Variants in OGT observed in about 807,000 individuals in gnomAD.
OGT encodes the protein UDP-N-acetylglucosamine--peptide N-acetylglucosaminyltransferase 110 kDa subunit.
OGT carries 3 observed loss-of-function variants against 75.8 expected under a neutral mutation model. The ratio of observed to expected loss-of-function variants is 0.04; its 90% confidence interval spans 0.02 to 0.10. OGT has a LOEUF of 0.10. Ranked by LOEUF, OGT falls within the 10% of genes least tolerant of loss-of-function variation. The pLI, the probability that OGT is intolerant of heterozygous loss-of-function variation, is 1.00. For synonymous variants in OGT, 257 were observed against 289.7 expected (o/e 0.89, Z 1.15); for missense variants, 260 against 824.4 (o/e 0.32, Z 8.38).
intron 4 of OGT, chrX:71,546,826 G>C (rs2040262874): frequency 9.3e-6 from 7 of 753,530 alleles, no homozygotes; most frequent in Admixed American, 8.6e-5. Flanking sequence ...TGCGCATTGC[G>C]TGCGAATGAA....
rs755512297 is a variant in OGT at position 71,563,592 on chromosome X, T to G, written c.2436+93T>G. On this transcript the variant is annotated intron_variant, in intron 18 of 21. Transcript: ENST00000373719. ...TAACTCTAGGAGGCAAGTATCATTA[T>G]CACCATTTTTATGGATGAGGAAATG... The G allele has an allele frequency of 7.3e-6, 5 of 688,518 alleles. No individual in the cohort carries two copies. In the East Asian group the frequency reaches 1.7e-4, roughly 24 times the overall value. 56.7% of individuals were successfully genotyped at this position (688,518 alleles called of 1,213,427 possible). A position where few individuals can be genotyped will look rare whatever the true frequency, so the allele number is the denominator to read the frequency against.
intron 18 of OGT, 41 bp from the exon 19 acceptor site, chrX:71,564,560 T>G (rs2147690938): frequency 9.0e-7 from 1 of 1,116,762 alleles, no homozygotes; most frequent in South Asian, 1.9e-5. Flanking sequence ...ATTGGACTCC[T>G]TTTGCCTTTA....
chrX:71,546,821 A>G (rs1412716212), intron 4 of OGT: 3 of 753,879 alleles, frequency 4.0e-6, no homozygotes, highest in Non-Finnish European at 4.7e-6. Flanking sequence ...GTTAATGCGC[A>G]TTGCGTGCGA....
intron 5 of OGT, among the ~76,000 whole-genome samples, chrX:71,549,920 A>G (rs1028124791): frequency 2.1e-4 from 23 of 112,139 alleles, no homozygotes; most frequent in African/African-American, 7.5e-4. Flanking sequence ...TTGACATATT[A>G]CTTTGCATCA....
Position 71,573,830 on chromosome X carries a change from A to G in OGT, c.*36A>G. ...CACAGGAGAATTACCCCTATACCTG[A>G]GCCTCAACCTTCTGGGGGAAAGGGA... is the stretch of plus-strand genomic sequence containing the variant. On this transcript the variant is annotated 3_prime_UTR_variant, in exon 22 of 22. Coordinates refer to ENST00000373719, the MANE Select transcript of OGT (RefSeq NM_181672.3). 1 of 1,077,551 alleles carries G rather than the reference A, an allele frequency of 9.3e-7. No homozygotes were observed. Among genetic ancestry groups the G allele is most frequent in the Non-Finnish European group, 1.2e-6 (1 of 802,645 alleles). 88.8% of individuals were successfully genotyped at this position (1,077,551 alleles called of 1,213,427 possible). A position where few individuals can be genotyped will look rare whatever the true frequency, so the allele number is the denominator to read the frequency against.
chrX:71,554,613 A>G (rs2040329540), intron 6 of OGT, 21 bp downstream of exon 6: 2 of 1,138,452 alleles, frequency 1.8e-6, no homozygotes, highest in South Asian at 1.8e-5. Flanking sequence ...GTTCTGTTTA[A>G]TAAATTTTCT....
At chrX:71,547,222 G>A (rs991928483) in intron 4 of OGT, 18 of 754,065 alleles carry the variant, frequency 2.4e-5, no homozygotes, top group Non-Finnish European at 2.8e-5. Context: ...ATCCTACTTG[G>A]CAGAAAGACA....
intron 14 of OGT, among the ~76,000 whole-genome samples, chrX:71,561,463 CAA>C (rs111787118): frequency 3.7e-4 from 33 of 89,227 alleles, no homozygotes; most frequent in African/African-American, 6.7e-4. Context: ...CCATCCCTAC[CAA>C]AAAAAAAAAA....
intron 5 of OGT, 43 bp downstream of exon 5, chrX:71,548,066 G>T (rs1298510986): frequency 1.7e-6 from 2 of 1,154,906 alleles, no homozygotes. Flanking sequence ...AAGTGCTTAC[G>T]CATGTAGTGT....
rs1028480490 is a variant in OGT, at chrX:71,559,574, G to T, written c.1762-14G>T. On this transcript the variant is annotated splice_polypyrimidine_tract_variant and intron_variant, in intron 13 of 21. Coordinates refer to ENST00000373719, the MANE Select transcript of OGT (RefSeq NM_181672.3). Reference sequence around the variant, plus strand: ...GAGCCAATGTTATTAAATATGCCATGTGCTGCCTTTCAGGTGTTCTGTTAT... The same window carrying T: ...GAGCCAATGTTATTAAATATGCCATTTGCTGCCTTTCAGGTGTTCTGTTAT... 8.4e-7 allele frequency: 1 copy of T among 1,197,111 alleles called. No homozygotes were observed. The highest frequency in any genetic ancestry group is 1.1e-6 in the Non-Finnish European group (1 of 885,311).
intron 1 of OGT, among the ~76,000 whole-genome samples, chrX:71,534,010 A>G (rs1409063818): frequency 1.8e-5 from 2 of 110,757 alleles, no homozygotes; most frequent in Non-Finnish European, 3.8e-5. Flanking sequence ...CCATCGCCCA[A>G]TTCCACCGCT....
chrX:71,559,293 T>C lies in OGT; in HGVS notation c.1629T>C (p.Tyr543=). 8.3e-7 allele frequency: 1 copy of C among 1,210,288 alleles called. No homozygotes were observed. Among genetic ancestry groups the C allele is most frequent in the Non-Finnish European group, 1.1e-6 (1 of 894,643 alleles). Residue 543 remains tyrosine (Y), a synonymous_variant, in exon 13 of 22, where the codon TAT becomes TAC. Coordinates refer to ENST00000373719, the MANE Select transcript of OGT (RefSeq NM_181672.3). Reference sequence around the variant, plus strand: ...TTAATGTTCTTCATAAACCACCATATGAACATCCAAAAGACTTGAAGCTCA... The same window carrying C: ...TTAATGTTCTTCATAAACCACCATACGAACATCCAAAAGACTTGAAGCTCA... ...DKINVLHKPP[Y]EHPKDLKLSD...
chrX:71,548,291 A>T (rs930204880), intron 5 of OGT, among the ~76,000 whole-genome samples: 4 of 111,275 alleles, frequency 3.6e-5, no homozygotes, highest in African/African-American at 1.3e-4. Flanking sequence ...AGATTCAGTA[A>T]ATTACATGAG....
chrX:71,555,870 G>C (rs2040340074), intron 7 of OGT, 84 bp from the exon 8 acceptor site: 7 of 1,069,361 alleles, frequency 6.5e-6, no homozygotes, highest in Middle Eastern at 5.2e-4. Flanking sequence ...CAGCCATTAG[G>C]CTTAATTAAA....
Position 71,559,413 on chromosome X carries a change from T to A in OGT, c.1749T>A (p.Pro583=). Residue 583 remains proline, a synonymous_variant, in exon 13 of 22, where the codon CCT becomes CCA. Transcript: ENST00000373719. The stretch of plus-strand genomic sequence containing the variant: ...AGTCTATTCCAGGCATGCACAATCC[T>A]GATAAATTTGAGGTAAGACTAGTGT... The part of the protein sequence containing the change: ...LMQSIPGMHN[P]DKFEVFCYAL... 8.3e-7 allele frequency: 1 copy of A among 1,205,246 alleles called. No individual in the cohort carries two copies. Among genetic ancestry groups the A allele is most frequent in the African/African-American group, 1.7e-5 (1 of 57,535 alleles).
Position 71,573,718 on chromosome X carries a change from A to G in OGT, c.3065A>G (p.Gln1022Arg), listed in dbSNP as rs1306402810. ...YTMELERLYL[Q>R]MWEHYAAGNK... ...ATGGAACTAGAGCGGCTCTATCTACAGATGTGGGAGCATTATGCAGCTGGC... is the reference window on the plus strand; with the variant it reads ...ATGGAACTAGAGCGGCTCTATCTACGGATGTGGGAGCATTATGCAGCTGGC... The change falls in exon 22 of 22, where the codon CAG (glutamine) becomes CGG (arginine). Residue 1022 changes from glutamine (Q) to arginine (R), a missense_variant. Physicochemically the swap from Gln to Arg is conservative, Grantham distance 43. This residue lies in a region of OGT where 34 missense variants were observed against 57.5 expected (regional missense o/e 0.59). Transcript: ENST00000373719. 4 of 1,207,838 alleles carry G rather than the reference A, an allele frequency of 3.3e-6. No individual in the cohort carries two copies. In the Admixed American group the frequency reaches 6.6e-5, roughly 20 times the overall value.
In OGT at chrX:71,533,339, A is replaced by T; in HGVS notation, c.37+3A>T. On this transcript the variant is annotated splice_donor_region_variant and intron_variant, in intron 1 of 21. Transcript: ENST00000373719. ...GGGCAACGTGGCCGACAGCACAGGT[A>T]CCGGTGTCCCGTTCTACCTTGGCAG... The T allele has an allele frequency of 8.4e-7, 1 of 1,194,685 alleles. No individual in the cohort carries two copies. The highest frequency in any genetic ancestry group is 2.3e-5 in the Admixed American group (1 of 44,136).
intron 8 of OGT, 98 bp from the exon 9 acceptor site, chrX:71,556,581 GT>G: frequency 2.2e-6 from 1 of 459,453 alleles, no homozygotes; most frequent in Non-Finnish European, 3.6e-6. Context: ...AAATTTAGGG[GT>G]TTAAATGTAC....
At chrX:71,568,257 T>G in intron 21 of OGT, 141 bp downstream of exon 21, 1 of 424,479 alleles carries the variant, frequency 2.4e-6, no homozygotes. Context: ...ACTTCTAAAC[T>G]CTTAGAAATG....
Sources: allele counts gnomAD v4.1 joint callset (sites outside exome capture counted in the v4.1 genomes callset), GRCh38; gene constraint gnomAD v4.1.1; regional missense constraint gnomAD v4.1.1; transcripts MANE v1.5; gene names NCBI Gene and HGNC (gene_info 2026-07-23, HGNC 2026-07-21).